Variants in MNS1 observed in about 807,000 individuals in gnomAD.
The protein encoded by MNS1 is meiosis specific nuclear structural 1.
In MNS1, 63 loss-of-function variants were observed where a neutral mutation model predicts 72.0. The observed-to-expected ratio is 0.87, with a 90% CI of 0.71 to 1.08. The LOEUF is 1.08. Ranked by LOEUF, MNS1 falls within the 50% of genes least tolerant of loss-of-function variation. MNS1 has a pLI of 0.00. For synonymous variants in MNS1, 188 were observed against 172.1 expected, an observed-to-expected ratio of 1.09 and a Z score of -0.72; for missense variants, 604 against 562.4, an observed-to-expected ratio of 1.07 and a Z score of -0.75.
rs766684322 is a variant in MNS1 at position 56,443,797 on chromosome 15, A to C, written c.744T>G (p.Phe248Leu). ...TTCTCCAGAGAGCCTGCTCTTTCTG[A>C]AACTCTTCTATATACCTTCGCATTG... ...MNAMRRYIEE[F>L]QKEQALWRKK... The change falls in exon 6 of 10, where the codon TTT becomes TTG. Residue 248 changes from phenylalanine to leucine, a missense_variant. Physicochemically the swap from Phe to Leu is conservative, Grantham distance 22 (BLOSUM62 0). Coordinates refer to ENST00000260453, the MANE Select transcript of MNS1 (RefSeq NM_018365.4). 3.1e-6 allele frequency: 5 copies of C among 1,612,694 alleles called. No individual in the cohort carries two copies. The Admixed American group carries it at 8.3e-5, about 27-fold the overall frequency.
At chr15:56,450,443 A>G (rs1208350653) in intron 3 of MNS1, among the ~76,000 whole-genome samples, 4 of 152,128 alleles carry the variant, frequency 2.6e-5, no homozygotes, top group Admixed American at 2.0e-4. Context: ...TAACCCCTGG[A>G]ATTCCTAATC....
At chr15:56,459,990 C>CTTAAAAAAAA (rs2051006605) in intron 2 of MNS1, among the ~76,000 whole-genome samples, 1 of 11,126 alleles carries the variant, frequency 9.0e-5, no homozygotes, top group Non-Finnish European at 1.6e-4. Flanking sequence ...AATTCTGTCT[C>CTTAAAAAAAA]AAAAAAAAAA....
intron 9 of MNS1, among the ~76,000 whole-genome samples, chr15:56,430,570 A>AATT (rs1279511963): frequency 6.6e-6 from 1 of 152,054 alleles, no homozygotes; most frequent in African/African-American, 2.4e-5. Flanking sequence ...TATCTTCTGG[A>AATT]ATTTTAAAAA....
chr15:56,429,486 G>A (rs1325879952), intron 9 of MNS1: 3 of 282,464 alleles, frequency 1.1e-5, no homozygotes, highest in African/African-American at 4.6e-5. Context: ...TAGATAGGAA[G>A]GCACTTCATC....
chr15:56,455,852 G>A (rs1230668980), intron 3 of MNS1, among the ~76,000 whole-genome samples: 5 of 152,066 alleles, frequency 3.3e-5, no homozygotes, highest in Non-Finnish European at 5.9e-5. Context: ...AAGGAACAAG[G>A]GATAGCTAAC....
At chr15:56,445,027 A>G (rs1419445326) in intron 4 of MNS1, among the ~76,000 whole-genome samples, 1 of 152,074 alleles carries the variant, frequency 6.6e-6, no homozygotes, top group Non-Finnish European at 1.5e-5. Flanking sequence ...AAACTGAGCT[A>G]GGCAATTTTC....
At chr15:56,464,807 G>A (rs2051047954) in intron 1 of MNS1, among the ~76,000 whole-genome samples, 163 bp downstream of exon 1, 2 of 152,132 alleles carry the variant, frequency 1.3e-5, no homozygotes, top group South Asian at 2.1e-4. Flanking sequence ...AAACCACCGC[G>A]AGCGTCCCTT....
chr15:56,456,246 A>G (rs566484983), intron 3 of MNS1, 148 bp downstream of exon 3: 62 of 655,236 alleles, frequency 9.5e-5, no homozygotes, highest in Admixed American at 5.2e-4. Flanking sequence ...ATAAATATTT[A>G]TAGAACTTAA....
chr15:56,437,720 T>C lies in MNS1; in HGVS notation c.1012-3325A>G, dbSNP rs563077087. On this transcript the variant is annotated intron_variant, in intron 7 of 9. Transcript: ENST00000260453. ...ATGATTGTATATTTAGAAAACCCCATTGTCTCAGCCCCAAATCTCCTTAAG... is the reference window on the plus strand; with the variant it reads ...ATGATTGTATATTTAGAAAACCCCACTGTCTCAGCCCCAAATCTCCTTAAG... Among the ~76,000 whole-genome samples the C allele has an allele frequency of 3.1e-4, 47 of 152,292 alleles. 1 individual carries two copies. The South Asian group carries it at 7.9e-3, about 26-fold the overall frequency.
intron 7 of MNS1, among the ~76,000 whole-genome samples, chr15:56,439,317 G>T (rs1218147207): frequency 6.6e-6 from 1 of 152,038 alleles, no homozygotes; most frequent in Non-Finnish European, 1.5e-5. Context: ...TTAATATAGT[G>T]AATTTATCAA....
chr15:56,461,170 G>C (rs1239487658), intron 2 of MNS1, among the ~76,000 whole-genome samples: 1 of 152,092 alleles, frequency 6.6e-6, no homozygotes, highest in Non-Finnish European at 1.5e-5. Flanking sequence ...AGGGCAATGT[G>C]CTTTATACTC....
chr15:56,444,148 C>CA (rs1219214296), intron 5 of MNS1, among the ~76,000 whole-genome samples: 1 of 151,830 alleles, frequency 6.6e-6, no homozygotes, highest in Admixed American at 6.6e-5. Flanking sequence ...AGCTGTCTAC[C>CA]AAAAAAATTT....
At chr15:56,458,193 T>C (rs140670070) in intron 2 of MNS1, among the ~76,000 whole-genome samples, 12 of 152,354 alleles carry the variant, frequency 7.9e-5, no homozygotes, top group African/African-American at 2.9e-4. Context: ...ATAATTCATA[T>C]AGCATAAAAT....
chr15:56,459,990 CAAAAAAA>C (rs150132300), intron 2 of MNS1, among the ~76,000 whole-genome samples: 13 of 11,110 alleles, frequency 1.2e-3, no homozygotes, highest in African/African-American at 5.4e-3. Context: ...AATTCTGTCT[CAAAAAAA>C]AAAAAAAAAA....
rs1352313365 is a variant in MNS1, at chr15:56,464,103, G to T, written c.148C>A (p.Arg50Ser). 5 of 1,613,916 alleles carry T rather than the reference G, an allele frequency of 3.1e-6. No homozygotes were observed. The African/African-American group carries it at 6.7e-5, about 22-fold the overall frequency. Reference protein sequence around the residue: ...NQMVQNENDNRVQRKQFLRLL... With the variant: ...NQMVQNENDNSVQRKQFLRLL... The stretch of plus-strand genomic sequence containing the variant: ...CTGAGAAATTGCTTGCGCTGAACAC[G>T]GTTATCATTTTCATTCTGCACCATT... The change falls in exon 2 of 10, where the codon CGT becomes AGT. Residue 50 changes from arginine to serine, a missense_variant. Arg to Ser is a moderately radical substitution (Grantham distance 110). Transcript: ENST00000260453.
chr15:56,458,945 CATGTT>C lies in MNS1; in HGVS notation c.226-2429_226-2425del, dbSNP rs1330054214. On this transcript the variant is annotated intron_variant, in intron 2 of 9. Coordinates refer to ENST00000260453, the MANE Select transcript of MNS1 (RefSeq NM_018365.4). Reference sequence around the variant, plus strand: ...TGTGCTATGGCAGCTATAAAGCTGCCATGTTATATTTTTATAAATGCTATAGATAT... The same window carrying C: ...TGTGCTATGGCAGCTATAAAGCTGCCATATTTTTATAAATGCTATAGATAT... Among the ~76,000 whole-genome samples, 5 of 152,152 alleles carry C rather than the reference CATGTT, an allele frequency of 3.3e-5. No homozygotes were observed. The South Asian group carries it at 1.0e-3, about 32-fold the overall frequency.
At chr15:56,459,358 T>A (rs1177073061) in intron 2 of MNS1, among the ~76,000 whole-genome samples, 4 of 152,232 alleles carry the variant, frequency 2.6e-5, no homozygotes, top group Non-Finnish European at 5.9e-5. Context: ...TATCCATTTA[T>A]CAGCTGACTG....
chr15:56,436,709 G>A (rs141419366), intron 7 of MNS1, among the ~76,000 whole-genome samples: 4 of 152,184 alleles, frequency 2.6e-5, no homozygotes, highest in Non-Finnish European at 4.4e-5. Context: ...TAGACCGCTA[G>A]CAAGACTCAT....
intron 3 of MNS1, among the ~76,000 whole-genome samples, chr15:56,452,142 C>T (rs1485371630): frequency 6.6e-6 from 1 of 152,140 alleles, no homozygotes; most frequent in East Asian, 1.9e-4. Flanking sequence ...GTTCCCAAGA[C>T]CACCATCAGG....
Sources: allele counts gnomAD v4.1 joint callset (sites outside exome capture counted in the v4.1 genomes callset), GRCh38; gene constraint gnomAD v4.1.1; transcripts MANE v1.5; gene names NCBI Gene and HGNC (gene_info 2026-07-23, HGNC 2026-07-21).